The following PARVA variants were observed in gnomAD, a reference collection of about 807,000 sequenced individuals.
The protein encoded by PARVA is alpha-parvin.
A neutral mutation model predicts 52.6 loss-of-function variants in PARVA; 25 were observed. That is an observed-to-expected ratio of 0.48 (90% confidence interval 0.35 to 0.66). The LOEUF (loss-of-function observed/expected upper bound fraction) is 0.66. PARVA is among the 30% of genes least tolerant of loss of function. The pLI, the probability that PARVA is intolerant of heterozygous loss-of-function variation, is 0.01. For missense variants in PARVA, 373 were observed against 450.9 expected (o/e 0.83, Z 1.56); for synonymous variants, 185 against 179.1 (o/e 1.03, Z -0.26).
intron 1 of PARVA, among the ~76,000 whole-genome samples, chr11:12,426,344 TA>T (rs1940235079): frequency 6.6e-6 from 1 of 152,068 alleles, no homozygotes; most frequent in Admixed American, 6.6e-5. Flanking sequence ...AAGAGCTTAG[TA>T]GGCCTGAAAG....
At chr11:12,447,221 T>A (rs1019091705) in intron 1 of PARVA, among the ~76,000 whole-genome samples, 3 of 152,200 alleles carry the variant, frequency 2.0e-5, no homozygotes, top group Admixed American at 2.0e-4. Context: ...GTATAATCTC[T>A]AGTGTATTTT....
intron 4 of PARVA, among the ~76,000 whole-genome samples, chr11:12,493,612 T>TA (rs11390518): frequency 0.93 from 136,402 of 145,940 alleles, 64,087 homozygotes; most frequent in South Asian, 0.99. Context: ...TACCAGACGC[T>TA]AAAAAAAAAA....
intron 6 of PARVA, among the ~76,000 whole-genome samples, chr11:12,504,774 GGTGT>G (rs58878351): frequency 1.3e-4 from 20 of 149,236 alleles, no homozygotes; most frequent in African/African-American, 4.0e-4. Context: ...AAGGTATGTG[GGTGT>G]GTGTGTGTGT....
chr11:12,517,320 A>ACCCCCCAC (rs1237135291), intron 10 of PARVA, among the ~76,000 whole-genome samples: 1 of 55,660 alleles, frequency 1.8e-5, no homozygotes, highest in Non-Finnish European at 3.8e-5. Flanking sequence ...CCCACCCCCC[A>ACCCCCCAC]CCCCCCACCA....
intron 1 of PARVA, among the ~76,000 whole-genome samples, chr11:12,426,009 G>GTTA (rs1554894824): frequency 2.0e-5 from 3 of 152,082 alleles, no homozygotes; most frequent in Non-Finnish European, 2.9e-5. Flanking sequence ...TCATTCAACA[G>GTTA]ATGATTGAGT....
intron 1 of PARVA, among the ~76,000 whole-genome samples, chr11:12,460,450 C>T (rs115999441): frequency 0.011 from 1,609 of 152,222 alleles, 34 homozygotes; most frequent in African/African-American, 0.035. Context: ...AGTGTTATAT[C>T]GATGCACCTG....
In PARVA at chr11:12,377,631, G is replaced by A. The variant is rs1177134626; in HGVS notation, c.-17G>A. The A allele has an allele frequency of 1.1e-5, 17 of 1,563,836 alleles. No homozygotes were observed. The highest frequency in any genetic ancestry group is 1.5e-5 in the Non-Finnish European group (17 of 1,161,020). On this transcript the variant is annotated 5_prime_UTR_variant, in exon 1 of 13. Transcript: ENST00000334956. ...AGCTCCGCGTCCCGACCGGCCCGCG[G>A]CAGCCTGCGCCGCGCCATGGCCACC...
In PARVA at chr11:12,408,774, A is replaced by G. The variant is rs555768509; in HGVS notation, c.136+30991A>G. 2.0e-5 allele frequency among the ~76,000 whole-genome samples: 3 copies of G among 152,312 alleles called. No homozygotes were observed. The East Asian group carries it at 5.8e-4, about 29-fold the overall frequency. ...CCCCATGGACCAGACAGGCAATATA[A>G]AACAAATAATGATAATTTTAGATAA... On this transcript the variant is annotated intron_variant, in intron 1 of 12. Coordinates refer to ENST00000334956, the MANE Select transcript of PARVA (RefSeq NM_018222.5).
intron 1 of PARVA, among the ~76,000 whole-genome samples, chr11:12,406,822 C>T (rs185326987): frequency 5.5e-4 from 84 of 152,126 alleles, no homozygotes; most frequent in African/African-American, 1.8e-3. Context: ...AGGCACCCGC[C>T]ACCATGCCCG....
At chr11:12,424,363 A>G (rs1216608209) in intron 1 of PARVA, among the ~76,000 whole-genome samples, 1 of 152,172 alleles carries the variant, frequency 6.6e-6, no homozygotes, top group East Asian at 1.9e-4. Flanking sequence ...CGTGTCCTGC[A>G]GCATTTCCTA....
intron 12 of PARVA, 70 bp downstream of exon 12, chr11:12,518,587 T>G (rs1941599866): frequency 3.5e-6 from 4 of 1,154,876 alleles, no homozygotes; most frequent in Non-Finnish European, 5.1e-6. Context: ...TACTCAGATT[T>G]TGTAGCAGAG....
intron 4 of PARVA, among the ~76,000 whole-genome samples, chr11:12,485,793 G>A (rs1434562589): frequency 2.0e-5 from 3 of 152,180 alleles, no homozygotes; most frequent in Non-Finnish European, 2.9e-5. Context: ...GTGTGGAAGT[G>A]GGGACAGGGT....
intron 5 of PARVA, among the ~76,000 whole-genome samples, chr11:12,500,037 C>A (rs909907622): frequency 1.3e-5 from 2 of 152,128 alleles, no homozygotes; most frequent in East Asian, 3.9e-4. Context: ...ATTCTCCCTG[C>A]TTGTAGCCAT....
At chr11:12,382,242 TTGTG>T (rs751004051) in intron 1 of PARVA, among the ~76,000 whole-genome samples, 111 of 152,368 alleles carry the variant, frequency 7.3e-4, no homozygotes, top group Non-Finnish European at 1.4e-3. Context: ...CGCACAGTTC[TTGTG>T]TGTATGTGTA....
chr11:12,437,744 T>C (rs1005426049), intron 1 of PARVA, among the ~76,000 whole-genome samples: 1 of 152,096 alleles, frequency 6.6e-6, no homozygotes, highest in African/African-American at 2.4e-5. Flanking sequence ...ACGCTGAAGC[T>C]GAAGACAGAA....
intron 1 of PARVA, among the ~76,000 whole-genome samples, chr11:12,385,908 TCC>T (rs1421809370): frequency 1.2e-4 from 18 of 152,174 alleles, no homozygotes; most frequent in Non-Finnish European, 2.2e-4. Flanking sequence ...TGCTGCCCCA[TCC>T]TCCATTTTAT....
chr11:12,459,211 G>A (rs1940740129), intron 1 of PARVA, among the ~76,000 whole-genome samples: 1 of 151,824 alleles, frequency 6.6e-6, no homozygotes, highest in East Asian at 1.9e-4. Context: ...AGACCAGCCT[G>A]GGCAACATGG....
rs1203083743 is a variant in PARVA at position 12,429,434 on chromosome 11, A to G, written c.137-44311A>G. Among the ~76,000 whole-genome samples, 8 of 152,254 alleles carry G rather than the reference A, an allele frequency of 5.3e-5. No individual in the cohort carries two copies. In the East Asian group the frequency reaches 1.3e-3, roughly 26 times the overall value. ...CAGTAAAAAGTGTGTGTACAAATGC[A>G]TATATAAGTTAATTATAAACTTCAC... On this transcript the variant is annotated intron_variant, in intron 1 of 12. Coordinates refer to ENST00000334956, the MANE Select transcript of PARVA (RefSeq NM_018222.5).
intron 1 of PARVA, chr11:12,452,947 C>A: frequency 1.5e-5 from 7 of 453,888 alleles, no homozygotes; most frequent in South Asian, 1.1e-4. Context: ...GTAGAAACCA[C>A]AGGGAGGGGG....
Sources: gnomAD v4.1 joint callset for allele counts (sites outside exome capture counted in the v4.1 genomes callset) on GRCh38, gnomAD v4.1.1 for gene constraint, MANE v1.5 for transcripts, NCBI Gene and HGNC (gene_info 2026-07-23, HGNC 2026-07-21) for gene names.